The following PLAAT3 variants were observed in gnomAD, a reference collection of about 807,000 sequenced individuals.
PLAAT3 encodes phospholipase A and acyltransferase 3, also known as Ca-independent phospholipase A1/2.
In PLAAT3, 21 loss-of-function variants were observed where a neutral mutation model predicts 16.7. The observed-to-expected ratio is 1.26, with a 90% confidence interval of 0.89 to 1.81. PLAAT3 has a LOEUF of 1.81. PLAAT3 is among the 40% of genes most tolerant of loss of function. The pLI is 0.00. For missense variants in PLAAT3, 219 were observed against 213.7 expected (o/e 1.02, Z -0.16); for synonymous variants, 76 against 81.7 (o/e 0.93, Z 0.38).
upstream of PLAAT3, among the ~76,000 whole-genome samples, chr11:63,614,765 C>T (rs1270861659): frequency 6.6e-6 from 1 of 151,746 alleles, no homozygotes; most frequent in Non-Finnish European, 1.5e-5. Context: ...CCTGTAATCT[C>T]AGCACTTTGG....
Position 63,590,187 on chromosome 11 carries a change from C to T in PLAAT3, c.300G>A (p.Val100=). The change falls in exon 4 of 5, where the codon GTG becomes GTA. Residue 100 remains valine (V), a synonymous_variant. Transcript: ENST00000415826. ...TCAGCTTGTAGAGCACCTCCTGCCC[C>T]ACCAGCTCCTCCGCCCGCTGGATGA... ...SKIIQRAEEL[V]GQEVLYKLTS... 1 of 1,614,224 alleles carries T rather than the reference C, an allele frequency of 6.2e-7. No homozygotes were observed. Among genetic ancestry groups the T allele is most frequent in the Non-Finnish European group, 8.5e-7 (1 of 1,180,002 alleles).
At chr11:63,610,746 G>A (rs145273867) in intron 2 of PLAAT3, among the ~76,000 whole-genome samples, 5 of 152,222 alleles carry the variant, frequency 3.3e-5, no homozygotes, top group Non-Finnish European at 7.4e-5. Flanking sequence ...TCATATTATG[G>A]AGCCTCAGTT....
chr11:63,586,516 T>A (rs182811235), intron 4 of PLAAT3, among the ~76,000 whole-genome samples: 14 of 152,362 alleles, frequency 9.2e-5, no homozygotes, highest in Middle Eastern at 3.4e-3. Flanking sequence ...ACCTACCAAA[T>A]ATTCTTAACG....
chr11:63,575,433 T>C (rs1021003516), intron 4 of PLAAT3, among the ~76,000 whole-genome samples: 1 of 152,214 alleles, frequency 6.6e-6, no homozygotes, highest in Non-Finnish European at 1.5e-5. Context: ...TATTGAGTAG[T>C]CAGTAACCTG....
intron 4 of PLAAT3, among the ~76,000 whole-genome samples, chr11:63,581,535 C>A (rs142917172): frequency 6.6e-6 from 1 of 152,116 alleles, no homozygotes; most frequent in African/African-American, 2.4e-5. Flanking sequence ...GCTCTCAAAC[C>A]CTGTTTCCTG....
Position 63,611,376 on chromosome 11 carries a change from C to T in PLAAT3, c.15+2624G>A, listed in dbSNP as rs1303638916. 2.0e-5 allele frequency among the ~76,000 whole-genome samples: 3 copies of T among 152,172 alleles called. No homozygotes were observed. The East Asian group carries it at 5.8e-4, about 29-fold the overall frequency. ...ACAATGTCAGTGATAAAATACCACTCCCCCAAAAAATGTCTTATTCACCTA... is the reference window on the plus strand; with the variant it reads ...ACAATGTCAGTGATAAAATACCACTTCCCCAAAAAATGTCTTATTCACCTA... On this transcript the variant is annotated intron_variant, in intron 2 of 4. Coordinates refer to ENST00000415826, the MANE Select transcript of PLAAT3 (RefSeq NM_001128203.2).
At chr11:63,615,857 AG>A (rs767238180), upstream of PLAAT3, among the ~76,000 whole-genome samples, 5 of 151,584 alleles carry the variant, frequency 3.3e-5, no homozygotes, top group Non-Finnish European at 7.4e-5. Flanking sequence ...TAGTAGAGAC[AG>A]GGTTTCAGCA....
chr11:63,602,272 A>G (rs553936624), intron 2 of PLAAT3, among the ~76,000 whole-genome samples: 2 of 117,714 alleles, frequency 1.7e-5, no homozygotes, highest in African/African-American at 3.3e-5. Flanking sequence ...CCTGGGTGAC[A>G]GTGAAACTGT....
intron 2 of PLAAT3, among the ~76,000 whole-genome samples, chr11:63,603,039 G>A (rs1158315905): frequency 6.6e-6 from 1 of 152,214 alleles, no homozygotes; most frequent in Non-Finnish European, 1.5e-5. Context: ...GTTGCAGTGA[G>A]CTGAGATCAC....
intron 2 of PLAAT3, among the ~76,000 whole-genome samples, chr11:63,601,217 G>A (rs1029637900): frequency 6.6e-6 from 1 of 150,902 alleles, no homozygotes; most frequent in African/African-American, 2.4e-5. Context: ...ACCACATCCG[G>A]CTATTTTTTT....
chr11:63,613,628 T>C (rs116395027), intron 2 of PLAAT3, among the ~76,000 whole-genome samples: 2,479 of 152,302 alleles, frequency 0.016, 53 homozygotes, highest in African/African-American at 0.056. Flanking sequence ...CTGGCAGGGC[T>C]GGTCATGGGA....
chr11:63,587,678 A>C (rs1000227954), intron 4 of PLAAT3, among the ~76,000 whole-genome samples: 1 of 149,464 alleles, frequency 6.7e-6, no homozygotes, highest in South Asian at 2.1e-4. Flanking sequence ...CCTCAGCCTC[A>C]CCAGTAGCTG....
chr11:63,580,886 C>A (rs1291146609), intron 4 of PLAAT3, among the ~76,000 whole-genome samples: 1 of 152,134 alleles, frequency 6.6e-6, no homozygotes, highest in Non-Finnish European at 1.5e-5. Flanking sequence ...CCAGCTGAAG[C>A]CACAGCAGAA....
At chr11:63,613,946 C>A in intron 2 of PLAAT3, 54 bp downstream of exon 2, 1 of 1,122,520 alleles carries the variant, frequency 8.9e-7, no homozygotes, top group Non-Finnish European at 1.4e-6. Flanking sequence ...ACAACGAGTC[C>A]CCACTAACAG....
At chr11:63,580,118 T>C (rs975496713) in intron 4 of PLAAT3, among the ~76,000 whole-genome samples, 12 of 151,940 alleles carry the variant, frequency 7.9e-5, no homozygotes, top group Admixed American at 4.6e-4. Flanking sequence ...AGACATGAGA[T>C]AGAGAAAATG....
chr11:63,583,575 T>C lies in PLAAT3; in HGVS notation c.387+6525A>G, dbSNP rs116862960. On this transcript the variant is annotated intron_variant, in intron 4 of 4. Coordinates refer to ENST00000415826, the MANE Select transcript of PLAAT3 (RefSeq NM_001128203.2). ...GCTAGTTAGTCCTAATAGTGCAAACTTGATGGGAAAAACTCTCTCTCCAAG... is the reference window on the plus strand; with the variant it reads ...GCTAGTTAGTCCTAATAGTGCAAACCTGATGGGAAAAACTCTCTCTCCAAG... Among the ~76,000 whole-genome samples, 5 of 152,266 alleles carry C rather than the reference T, an allele frequency of 3.3e-5. No individual in the cohort carries two copies. In the East Asian group the frequency reaches 7.7e-4, roughly 23 times the overall value.
intron 2 of PLAAT3, 113 bp from the exon 3 acceptor site, chr11:63,598,276 T>A: frequency 2.8e-6 from 2 of 720,568 alleles, no homozygotes; most frequent in Non-Finnish European, 5.0e-6. Context: ...CAGCAGAACA[T>A]ATGTCCTGAG....
chr11:63,579,872 T>TAAAA (rs34817353), intron 4 of PLAAT3, among the ~76,000 whole-genome samples: 55 of 106,558 alleles, frequency 5.2e-4, no homozygotes, highest in Middle Eastern at 5.2e-3. Context: ...TAAAGTATAA[T>TAAAA]AAAAAAAAAA....
chr11:63,607,248 G>A (rs975265893), intron 2 of PLAAT3, among the ~76,000 whole-genome samples: 2 of 152,200 alleles, frequency 1.3e-5, no homozygotes, highest in Admixed American at 1.3e-4. Flanking sequence ...CCAACGAGAG[G>A]CGGGGACACA....
Sources: gnomAD v4.1 joint callset for allele counts (sites outside exome capture counted in the v4.1 genomes callset) on GRCh38, gnomAD v4.1.1 for gene constraint, MANE v1.5 for transcripts, NCBI Gene and HGNC (gene_info 2026-07-23, HGNC 2026-07-21) for gene names.